Variants in FBXO10 observed in about 807,000 individuals in gnomAD.
FBXO10 encodes the protein F-box only protein 10.
In FBXO10, 39 loss-of-function variants were observed where a neutral mutation model predicts 80.7. That is an observed-to-expected ratio of 0.48 (90% CI 0.37 to 0.63). The LOEUF is 0.63. FBXO10 is among the 30% of genes least tolerant of loss of function. The pLI is 0.00. For missense variants in FBXO10, 1,025 were observed against 1,269.0 expected (o/e 0.81, Z 2.92); for synonymous variants, 449 against 489.6 (o/e 0.92, Z 1.09).
intron 1 of FBXO10, among the ~76,000 whole-genome samples, chr9:37,563,054 C>T (rs1822519508): frequency 6.6e-6 from 1 of 152,146 alleles, no homozygotes; most frequent in Non-Finnish European, 1.5e-5. Context: ...TAGAGATAAT[C>T]AGATCATGAA....
At chr9:37,530,526 T>C (rs533292219) in intron 4 of FBXO10, among the ~76,000 whole-genome samples, 1 of 152,354 alleles carries the variant, frequency 6.6e-6, no homozygotes, top group East Asian at 1.9e-4. Flanking sequence ...AATAATTTCC[T>C]AAGCCAAAGC....
At position 37,541,467 on chromosome 9, in the gene FBXO10, A is replaced by G; in HGVS notation, c.302T>C (p.Phe101Ser). 6.2e-7 allele frequency: 1 copy of G among 1,614,012 alleles called. No individual in the cohort carries two copies. Among genetic ancestry groups the G allele is most frequent in the Middle Eastern group, 1.6e-4 (1 of 6,062 alleles). Residue 101 changes from phenylalanine (F) to serine (S), a missense_variant, in exon 2 of 11, where the codon TTC becomes TCC. Physicochemically the swap from Phe to Ser is radical, Grantham distance 155 (BLOSUM62 -2). Around this residue, in one of 3 missense-constraint regions of FBXO10, gnomAD observed 450 missense variants for 499.4 expected, o/e 0.90. Transcript: ENST00000432825. ...DLESSICFSL[F>S]RRRRERRTLS... ...GGTACGTCGTTCCCTCCTCCGGCGG[A>G]ATAGAGAAAAGCAGATGGAAGACTC...
Position 37,515,996 on chromosome 9 carries a change from G to A in FBXO10, c.2604C>T (p.Phe868=), listed in dbSNP as rs1387909965. ...AGATGGTCTTACTGGTTTTGCCCTG[G>A]AAGATGATGTTTTCCTGCACCAGGG... is the stretch of plus-strand genomic sequence containing the variant. ...AKALVQENII[F]QGKTSKTIFQ... is the part of the protein sequence containing the mutation. The change falls in exon 10 of 11, where the codon TTC becomes TTT. Residue 868 remains phenylalanine (F), a synonymous_variant. Transcript: ENST00000432825. The A allele has an allele frequency of 6.2e-7, 1 of 1,614,086 alleles. No homozygotes were observed. The highest frequency in any genetic ancestry group is 1.3e-5 in the African/African-American group (1 of 75,072).
rs55952920 is a variant in FBXO10, at chr9:37,537,573, G to C, written c.956C>G (p.Pro319Arg). The C allele has an allele frequency of 6.2e-7, 1 of 1,613,532 alleles. No individual in the cohort carries two copies. Among genetic ancestry groups the C allele is most frequent in the Non-Finnish European group, 8.5e-7 (1 of 1,179,798 alleles). ...TGGGGAGCTAGAGGCTGGGCTGGTA[G>C]GGCTCTGGCTGCCCTCGATAACAAT... is the stretch of plus-strand genomic sequence containing the variant. Reference protein sequence around the residue: ...CDIVIEGSQSPTSPASSSPKP... With the variant: ...CDIVIEGSQSRTSPASSSPKP... The change falls in exon 3 of 11, where the codon CCT becomes CGT. Residue 319 changes from proline to arginine, a missense_variant. This residue lies in a region of FBXO10 where 450 missense variants were observed against 499.4 expected (regional missense o/e 0.90). Transcript: ENST00000432825.
In FBXO10 at chr9:37,537,817, C is replaced by T. The variant is rs558348320; in HGVS notation, c.712G>A (p.Val238Met). 15 of 1,613,928 alleles carry T rather than the reference C, an allele frequency of 9.3e-6. No individual in the cohort carries two copies. The highest frequency in any genetic ancestry group is 8.9e-5 in the East Asian group (4 of 44,886). Residue 238 changes from valine (V) to methionine (M), a missense_variant, in exon 3 of 11, where the codon GTG (valine) becomes ATG (methionine). Coordinates refer to ENST00000432825, the MANE Select transcript of FBXO10 (RefSeq NM_012166.3). The stretch of plus-strand genomic sequence containing the variant: ...CAGTTTTCCAGGACACACAGGGGCA[C>T]GTTGTGCAGGAAGATATGGGTGTTT... ...FKNTHIFLHN[V>M]PLCVLENCEF...
chr9:37,525,548 C>CAT (rs979178257), intron 5 of FBXO10, among the ~76,000 whole-genome samples: 7 of 151,770 alleles, frequency 4.6e-5, no homozygotes, highest in East Asian at 3.9e-4. Flanking sequence ...TATACCCATG[C>CAT]ATATATATAT....
chr9:37,544,863 G>A (rs1000601404), intron 1 of FBXO10, among the ~76,000 whole-genome samples: 4 of 151,652 alleles, frequency 2.6e-5, no homozygotes, highest in East Asian at 2.0e-4. Context: ...GCGTGGTGGC[G>A]GGTGCCTGTA....
intron 1 of FBXO10, among the ~76,000 whole-genome samples, chr9:37,550,065 T>C (rs976956847): frequency 2.0e-5 from 3 of 152,104 alleles, no homozygotes; most frequent in Non-Finnish European, 4.4e-5. Context: ...GATTTTATAA[T>C]TCTATTCATC....
intron 10 of FBXO10, 118 bp downstream of exon 10, chr9:37,515,786 G>T: frequency 9.2e-7 from 1 of 1,087,222 alleles, no homozygotes. Context: ...GACTGGAGTC[G>T]ACAGCTGGCA....
intron 8 of FBXO10, among the ~76,000 whole-genome samples, chr9:37,519,445 G>A (rs1821272099): frequency 7.5e-6 from 1 of 133,958 alleles, no homozygotes; most frequent in Non-Finnish European, 1.6e-5. Flanking sequence ...AGGAGAGGAG[G>A]GCTCTGCGGT....
intron 1 of FBXO10, among the ~76,000 whole-genome samples, chr9:37,557,791 T>C (rs1822375009): frequency 6.6e-6 from 1 of 152,224 alleles, no homozygotes; most frequent in African/African-American, 2.4e-5. Context: ...TATAATACTT[T>C]TCTAGCTGTC....
At chr9:37,560,223 C>T (rs1430632929) in intron 1 of FBXO10, among the ~76,000 whole-genome samples, 5 of 152,210 alleles carry the variant, frequency 3.3e-5, no homozygotes, top group African/African-American at 1.2e-4. Context: ...CAGGAACTCA[C>T]AATTTTGCAA....
chr9:37,526,454 A>G (rs1462480755), intron 5 of FBXO10, among the ~76,000 whole-genome samples: 2 of 152,176 alleles, frequency 1.3e-5, no homozygotes, highest in Non-Finnish European at 2.9e-5. Flanking sequence ...TGATCTAATT[A>G]TGATATTCCT....
chr9:37,547,420 T>C (rs1315685898), intron 1 of FBXO10, among the ~76,000 whole-genome samples: 1 of 151,962 alleles, frequency 6.6e-6, no homozygotes, highest in Non-Finnish European at 1.5e-5. Context: ...TGAGACTCCA[T>C]CTCTGAAAAC....
Position 37,541,604 on chromosome 9 carries a change from G to A in FBXO10, c.165C>T (p.Cys55=). Residue 55 remains cysteine, a synonymous_variant, in exon 2 of 11, where the codon TGC becomes TGT. Transcript: ENST00000432825. ...GCTGGTTGGGCCAATTGGGATGGCGGCACTCGGTGCAACCCAGACACAGCT... is the reference window on the plus strand; with the variant it reads ...GCTGGTTGGGCCAATTGGGATGGCGACACTCGGTGCAACCCAGACACAGCT... ...WRQLCLGCTE[C]RHPNWPNQPD... is the part of the protein sequence containing the mutation. The A allele has an allele frequency of 1.2e-6, 2 of 1,613,666 alleles. No individual in the cohort carries two copies. Among genetic ancestry groups the A allele is most frequent in the Non-Finnish European group, 1.7e-6 (2 of 1,179,748 alleles).
chr9:37,568,091 C>G (rs1329634767), intron 1 of FBXO10, among the ~76,000 whole-genome samples: 2 of 151,364 alleles, frequency 1.3e-5, no homozygotes, highest in Non-Finnish European at 2.9e-5. Context: ...GCCAGGGACA[C>G]AGTAACATTT....
chr9:37,522,281 C>A (rs921574067), intron 7 of FBXO10: 19 of 890,906 alleles, frequency 2.1e-5, no homozygotes, highest in Non-Finnish European at 1.8e-5. Context: ...AATAACCGTG[C>A]CTCCTTCAGA....
rs559965394 is a variant in FBXO10, at chr9:37,546,082, G to A, written c.-6-4308C>T. ...AATCGCTTGAACCCGGGAGGCAGAG[G>A]TTTTAGTGAGCTGAGATCACACCAC... On this transcript the variant is annotated intron_variant, in intron 1 of 10. Coordinates refer to ENST00000432825, the MANE Select transcript of FBXO10 (RefSeq NM_012166.3). 5.3e-5 allele frequency among the ~76,000 whole-genome samples: 8 copies of A among 151,264 alleles called. No homozygotes were observed. The South Asian group carries it at 1.5e-3, about 28-fold the overall frequency.
Position 37,540,765 on chromosome 9 carries a change from G to T in FBXO10, c.585+419C>A, listed in dbSNP as rs576831852. ...CACAGGGTGGGGTTCATGTGCTGAA[G>T]GTGACTAGTCCTGTATAGCCTTTTT... On this transcript the variant is annotated intron_variant, in intron 2 of 10. Transcript: ENST00000432825. 5.9e-5 allele frequency among the ~76,000 whole-genome samples: 9 copies of T among 152,312 alleles called. No homozygotes were observed. The South Asian group carries it at 1.9e-3, about 32-fold the overall frequency.
Sources: allele counts gnomAD v4.1 joint callset (sites outside exome capture counted in the v4.1 genomes callset), GRCh38; gene constraint gnomAD v4.1.1; regional missense constraint gnomAD v4.1.1; transcripts MANE v1.5; gene names NCBI Gene and HGNC (gene_info 2026-07-23, HGNC 2026-07-21).